Variants in MARCHF10 observed in about 807,000 individuals in gnomAD.
MARCHF10 encodes the protein membrane associated ring-CH-type finger 10.
MARCHF10 carries 64 observed loss-of-function variants against 76.2 expected under a neutral mutation model. The ratio of observed to expected loss-of-function variants is 0.84; its 90% CI spans 0.69 to 1.03. The LOEUF is 1.03. Ranked by LOEUF, MARCHF10 falls within the 50% of genes least tolerant of loss-of-function variation. MARCHF10 has a pLI of 0.00. For synonymous variants in MARCHF10, 340 were observed against 357.5 expected (o/e 0.95, Z 0.55); for missense variants, 875 against 958.0 (o/e 0.91, Z 1.14).
Position 62,759,741 on chromosome 17 carries a change from G to A in MARCHF10, c.382+94C>T, listed in dbSNP as rs999215868. The A allele has an allele frequency of 5.4e-6, 7 of 1,307,238 alleles. No homozygotes were observed. The African/African-American group carries it at 8.8e-5, about 16-fold the overall frequency. 81.0% of individuals were successfully genotyped at this position (1,307,238 alleles called of 1,614,324 possible). ...CGGCCTCAGCCTCTCAAAGTGCTGG[G>A]ATTACAGGCGTGAGCCACCGTGCTC... On this transcript the variant is annotated intron_variant, in intron 4 of 10. Coordinates refer to ENST00000311269, the MANE Select transcript of MARCHF10 (RefSeq NM_152598.4).
At chr17:62,758,873 C>T (rs1461953865) in intron 4 of MARCHF10, among the ~76,000 whole-genome samples, 2 of 152,238 alleles carry the variant, frequency 1.3e-5, no homozygotes, top group Admixed American at 6.5e-5. Flanking sequence ...GTTACTCCAA[C>T]TTAAACCTCA....
chr17:62,739,830 G>A (rs183688204), intron 5 of MARCHF10, among the ~76,000 whole-genome samples: 1 of 152,290 alleles, frequency 6.6e-6, no homozygotes, highest in East Asian at 1.9e-4. Context: ...AGCAAGGGCC[G>A]CTTTTGAAAA....
intron 6 of MARCHF10, chr17:62,735,659 T>C (rs2091229238): frequency 2.4e-6 from 1 of 425,298 alleles, no homozygotes. Flanking sequence ...TCAGAGATCC[T>C]TATACCCAGC....
intron 8 of MARCHF10, 102 bp downstream of exon 8, chr17:62,722,386 A>G: frequency 2.6e-6 from 2 of 766,784 alleles, no homozygotes; most frequent in Non-Finnish European, 4.3e-6. Flanking sequence ...TCCTGCCAGC[A>G]GAGACCTTCT....
intron 3 of MARCHF10, among the ~76,000 whole-genome samples, chr17:62,774,080 C>T (rs537234972): frequency 3.0e-4 from 46 of 152,318 alleles, no homozygotes; most frequent in African/African-American, 6.7e-4. Context: ...GAGGAATCCA[C>T]GGGCGAGAGG....
intron 2 of MARCHF10, among the ~76,000 whole-genome samples, chr17:62,793,333 CA>C (rs368067086): frequency 1.4e-3 from 210 of 145,502 alleles, no homozygotes; most frequent in African/African-American, 5.2e-3. Flanking sequence ...ACCACCACCA[CA>C]AACACCATCA....
chr17:62,735,088 C>G (rs565391711), intron 6 of MARCHF10: 2 of 152,312 alleles, frequency 1.3e-5, no homozygotes, highest in East Asian at 3.9e-4. Flanking sequence ...GGTATGCATT[C>G]TATGTTCCAT....
At chr17:62,715,293 A>C (rs1330326739) in intron 8 of MARCHF10, among the ~76,000 whole-genome samples, 2 of 152,218 alleles carry the variant, frequency 1.3e-5, no homozygotes, top group African/African-American at 4.8e-5. Flanking sequence ...GAGCATGACC[A>C]TCTTTAGTTG....
intron 7 of MARCHF10, among the ~76,000 whole-genome samples, chr17:62,723,468 C>G (rs1275160237): frequency 1.3e-5 from 2 of 150,882 alleles, no homozygotes; most frequent in Non-Finnish European, 2.9e-5. Flanking sequence ...TATTTCCCCA[C>G]TGGGGATATA....
intron 2 of MARCHF10, among the ~76,000 whole-genome samples, chr17:62,791,215 T>G (rs147761845): frequency 1.3e-3 from 195 of 152,328 alleles, no homozygotes; most frequent in African/African-American, 4.6e-3. Context: ...GTGCCTTTGT[T>G]GTTCCAATCC....
At position 62,736,070 on chromosome 17, in the gene MARCHF10, G is replaced by C; in HGVS notation, c.1798C>G (p.Pro600Ala). ...TGAGACACTGCAAAGAAAGTAAATG[G>C]TGTATTTTCTTGCAGAGACCCAGAC... Reference protein sequence around the residue: ...HVSGSLQENTPFTFFAVSHFP... With the variant: ...HVSGSLQENTAFTFFAVSHFP... Residue 600 changes from proline (P) to alanine (A), a missense_variant, in exon 6 of 11, where the codon CCA becomes GCA. By Grantham distance (27) the Pro-to-Ala change is conservative. Coordinates refer to ENST00000311269, the MANE Select transcript of MARCHF10 (RefSeq NM_152598.4). 2 of 1,614,180 alleles carry C rather than the reference G, an allele frequency of 1.2e-6. No individual in the cohort carries two copies. Among genetic ancestry groups the C allele is most frequent in the South Asian group, 1.1e-5 (1 of 91,082 alleles).
chr17:62,765,804 G>C (rs2147981931), intron 3 of MARCHF10, among the ~76,000 whole-genome samples: 1 of 152,242 alleles, frequency 6.6e-6, no homozygotes, highest in Middle Eastern at 3.4e-3. Flanking sequence ...CCAAATACTA[G>C]GGACACCTGT....
chr17:62,723,835 G>A (rs150628144), intron 7 of MARCHF10, among the ~76,000 whole-genome samples: 82 of 152,124 alleles, frequency 5.4e-4, no homozygotes, highest in African/African-American at 1.8e-3. Flanking sequence ...TATTTTGCTC[G>A]TTATATGGAT....
intron 3 of MARCHF10, among the ~76,000 whole-genome samples, chr17:62,777,559 A>G (rs762732994): frequency 6.6e-6 from 1 of 151,806 alleles, no homozygotes; most frequent in Non-Finnish European, 1.5e-5. Context: ...CTCTACTAAA[A>G]ATACAAAAAA....
intron 2 of MARCHF10, 149 bp downstream of exon 2, chr17:62,801,497 G>T (rs1450808840): frequency 3.4e-6 from 2 of 581,682 alleles, no homozygotes; most frequent in African/African-American, 3.8e-5. Context: ...ATACAGAGAG[G>T]TGAAGTGGCT....
Position 62,744,342 on chromosome 17 carries a change from C to T in MARCHF10, c.535+34G>A, listed in dbSNP as rs371924750. ...AACAGCAAAAATCAGTCCTCCTCTC[C>T]AAGGACAAAGGTTCGGGAGCCCCGG... On this transcript the variant is annotated intron_variant, in intron 5 of 10. Coordinates refer to ENST00000311269, the MANE Select transcript of MARCHF10 (RefSeq NM_152598.4). The T allele has an allele frequency of 1.1e-5, 17 of 1,593,294 alleles. No homozygotes were observed. In the Admixed American group the frequency reaches 3.0e-4, roughly 28 times the overall value.
At chr17:62,796,591 C>T (rs888356994) in intron 2 of MARCHF10, among the ~76,000 whole-genome samples, 1 of 152,188 alleles carries the variant, frequency 6.6e-6, no homozygotes, top group Non-Finnish European at 1.5e-5. Flanking sequence ...AGTTAGGCAA[C>T]ACAGGCTTTC....
chr17:62,749,929 A>G (rs2091839012), intron 4 of MARCHF10: 1 of 152,286 alleles, frequency 6.6e-6, no homozygotes, highest in African/African-American at 2.4e-5. Context: ...TCTGGGGGTG[A>G]CATTGCACAG....
At position 62,795,315 on chromosome 17, in the gene MARCHF10, T is replaced by TA. The variant is rs549466103; in HGVS notation, c.90+6330dup. On this transcript the variant is annotated intron_variant, in intron 2 of 10. Transcript: ENST00000311269. ...TTGCCTTCAGCTTTCCAGTGGACAT[T>TA]AATGGCTAAATTCTGCCTCCAGTTA... Among the ~76,000 whole-genome samples the TA allele has an allele frequency of 6.7e-4, 89 of 132,800 alleles. 1 individual carries two copies. The highest frequency in any genetic ancestry group is 2.6e-3 in the African/African-American group (88 of 33,344). 87.1% of individuals were successfully genotyped at this position (132,800 alleles called of 152,430 possible).
Sources: allele counts gnomAD v4.1 joint callset (sites outside exome capture counted in the v4.1 genomes callset), GRCh38; gene constraint gnomAD v4.1.1; transcripts MANE v1.5; gene names NCBI Gene and HGNC (gene_info 2026-07-23, HGNC 2026-07-21).